Variants in RNF180 observed in about 807,000 individuals in gnomAD.
RNF180 encodes the protein ring finger protein 180.
Under a neutral mutation model 59.2 loss-of-function variants are expected in RNF180, and 38 were observed. That is an observed-to-expected ratio of 0.64 (90% CI 0.50 to 0.84). The LOEUF is 0.84. Among genes scored for constraint, RNF180 ranks in the 40% least tolerant of loss-of-function variants. RNF180 has a pLI of 0.00. For missense variants in RNF180, 705 were observed against 700.9 expected (o/e 1.01, Z -0.07); for synonymous variants, 262 against 240.3 (o/e 1.09, Z -0.84).
intron 5 of RNF180, among the ~76,000 whole-genome samples, chr5:64,320,808 G>T (rs1225454594): frequency 6.6e-6 from 1 of 152,212 alleles, no homozygotes; most frequent in Non-Finnish European, 1.5e-5. Context: ...GGAGGCTGAG[G>T]CAGGCAGATC....
intron 5 of RNF180, among the ~76,000 whole-genome samples, chr5:64,303,807 G>A (rs918265522): frequency 2.6e-5 from 4 of 151,586 alleles, no homozygotes; most frequent in African/African-American, 9.7e-5. Context: ...ATTGATGAAG[G>A]CAACTAACTA....
In RNF180 at chr5:64,177,049, G is replaced by T. The variant is rs542006572; in HGVS notation, c.-1+11096G>T. Among the ~76,000 whole-genome samples the T allele has an allele frequency of 3.1e-3, 479 of 152,246 alleles. 4 individuals are homozygous for T. Among genetic ancestry groups the T allele is most frequent in the African/African-American group, 0.011 (463 of 41,552 alleles). On this transcript the variant is annotated intron_variant, in intron 1 of 7. Transcript: ENST00000389100. The stretch of plus-strand genomic sequence containing the variant: ...ACTTCTATCTTTCTGGCCAAATTTT[G>T]CTCAGATCTCTGGTTTCAAGGTGGA...
At chr5:64,229,543 A>G (rs1741987869) in intron 5 of RNF180, among the ~76,000 whole-genome samples, 1 of 152,240 alleles carries the variant, frequency 6.6e-6, no homozygotes, top group Admixed American at 6.5e-5. Context: ...TTCTCTTGCT[A>G]TGAATCTGTC....
Position 64,273,133 on chromosome 5 carries a change from T to C in RNF180, c.1228-52053T>C, listed in dbSNP as rs149521337. ...TCCTCATGATGCACTAATTATAATA[T>C]ATTAGCATGCTAAAAAACACTCTCA... On this transcript the variant is annotated intron_variant, in intron 5 of 7. Transcript: ENST00000389100. 2.3e-4 allele frequency among the ~76,000 whole-genome samples: 35 copies of C among 151,992 alleles called. No homozygotes were observed. In the East Asian group the frequency reaches 6.8e-3, roughly 29 times the overall value.
chr5:64,351,917 A>C (rs1745827836), intron 7 of RNF180, among the ~76,000 whole-genome samples: 1 of 152,152 alleles, frequency 6.6e-6, no homozygotes, highest in Admixed American at 6.6e-5. Context: ...CTGGCCTCAT[A>C]AAATGAGTTA....
At chr5:64,353,518 GAAAT>G (rs1440985721) in intron 7 of RNF180, among the ~76,000 whole-genome samples, 1 of 151,426 alleles carries the variant, frequency 6.6e-6, no homozygotes, top group Non-Finnish European at 1.5e-5. Context: ...AACAAAATAA[GAAAT>G]AAGTCGTATT....
chr5:64,225,702 G>T (rs1217018781), intron 5 of RNF180, among the ~76,000 whole-genome samples: 7 of 136,760 alleles, frequency 5.1e-5, no homozygotes, highest in Admixed American at 2.2e-4. Context: ...GAGCGCCTCT[G>T]CCTGGCCGCC....
At chr5:64,282,933 T>G (rs989341343) in intron 5 of RNF180, among the ~76,000 whole-genome samples, 1 of 152,194 alleles carries the variant, frequency 6.6e-6, no homozygotes, top group Non-Finnish European at 1.5e-5. Context: ...TGTGGTTATT[T>G]TAGAGTATGT....
At chr5:64,169,257 AT>A (rs1302895935) in intron 1 of RNF180, among the ~76,000 whole-genome samples, 3 of 152,188 alleles carry the variant, frequency 2.0e-5, no homozygotes, top group African/African-American at 7.2e-5. Flanking sequence ...TTATTTAACA[AT>A]TCTGTCCTTT....
chr5:64,285,087 A>G (rs1401767629), intron 5 of RNF180, among the ~76,000 whole-genome samples: 1 of 152,200 alleles, frequency 6.6e-6, no homozygotes, highest in East Asian at 1.9e-4. Flanking sequence ...CACAGAACCA[A>G]GGCTCAGCTC....
intron 7 of RNF180, among the ~76,000 whole-genome samples, chr5:64,358,016 G>T (rs1746098688): frequency 6.6e-6 from 1 of 151,788 alleles, no homozygotes; most frequent in African/African-American, 2.4e-5. Context: ...GTTTTTCCAT[G>T]TGGGAAAACA....
chr5:64,365,500 C>G (rs554674210), intron 7 of RNF180, among the ~76,000 whole-genome samples: 1 of 151,102 alleles, frequency 6.6e-6, no homozygotes, highest in East Asian at 2.0e-4. Flanking sequence ...AGAGTTCTGT[C>G]CATTTGGTCA....
At chr5:64,220,912 C>T (rs1741291715) in intron 5 of RNF180, among the ~76,000 whole-genome samples, 1 of 151,910 alleles carries the variant, frequency 6.6e-6, no homozygotes, top group African/African-American at 2.4e-5. Flanking sequence ...ATTAAGATGA[C>T]TTGTATTATT....
intron 7 of RNF180, among the ~76,000 whole-genome samples, chr5:64,364,193 A>G (rs1485186969): frequency 1.3e-5 from 2 of 151,786 alleles, no homozygotes; most frequent in Non-Finnish European, 2.9e-5. Flanking sequence ...GCTTTTGCCG[A>G]TTCAGTATGA....
At chr5:64,198,008 G>A (rs1751542875) in intron 1 of RNF180, among the ~76,000 whole-genome samples, 1 of 152,094 alleles carries the variant, frequency 6.6e-6, no homozygotes, top group South Asian at 2.1e-4. Flanking sequence ...ACCATGCAGA[G>A]ACCCAGGAGA....
chr5:64,167,691 T>TA (rs1202742560), intron 1 of RNF180, among the ~76,000 whole-genome samples: 3 of 152,146 alleles, frequency 2.0e-5, no homozygotes, highest in Admixed American at 2.0e-4. Flanking sequence ...TTTTTACTCT[T>TA]ACAATGTCTT....
intron 5 of RNF180, among the ~76,000 whole-genome samples, chr5:64,228,420 G>C (rs2112185606): frequency 1.3e-5 from 2 of 152,286 alleles, no homozygotes; most frequent in South Asian, 4.1e-4. Flanking sequence ...AGGATGAGGT[G>C]GGAGGATCGC....
intron 1 of RNF180, among the ~76,000 whole-genome samples, chr5:64,186,698 C>A (rs1277449810): frequency 1.3e-5 from 2 of 152,002 alleles, no homozygotes; most frequent in South Asian, 2.1e-4. Flanking sequence ...ATTATTGGGA[C>A]CTTCATTAAA....
At chr5:64,241,619 A>G (rs1742811488) in intron 5 of RNF180, among the ~76,000 whole-genome samples, 1 of 152,228 alleles carries the variant, frequency 6.6e-6, no homozygotes, top group South Asian at 2.1e-4. Context: ...GGCACACAGT[A>G]GATGAGTCTT....
Sources: allele counts gnomAD v4.1 joint callset (sites outside exome capture counted in the v4.1 genomes callset), GRCh38; gene constraint gnomAD v4.1.1; transcripts MANE v1.5; gene names NCBI Gene and HGNC (gene_info 2026-07-23, HGNC 2026-07-21).